CPM: variants seen among roughly 807,000 people sequenced by gnomAD.
The protein encoded by CPM is carboxypeptidase M.
CPM carries 35 observed loss-of-function variants against 46.4 expected under a neutral mutation model. The observed-to-expected ratio is 0.75, with a 90% CI of 0.58 to 1.00. The LOEUF (loss-of-function observed/expected upper bound fraction) is 1.00, where lower values mean the gene tolerates loss of function less well. Ranked by LOEUF, CPM falls within the 50% of genes least tolerant of loss-of-function variation. The pLI, the probability that CPM is intolerant of heterozygous loss-of-function variation, is 0.00. For synonymous variants in CPM, 195 were observed against 195.3 expected (o/e 1.00, Z 0.01); for missense variants, 422 against 530.4 (o/e 0.80, Z 2.01).
intron 6 of CPM, 51 bp from the exon 7 acceptor site, chr12:68,867,099 C>T (rs776227610): frequency 1.9e-6 from 3 of 1,578,058 alleles, no homozygotes; most frequent in Non-Finnish European, 2.6e-6. Flanking sequence ...TGGAGTGGAG[C>T]CAAGTATCAC....
At chr12:68,927,060 G>T (rs987034255) in intron 2 of CPM, among the ~76,000 whole-genome samples, 3 of 152,032 alleles carry the variant, frequency 2.0e-5, no homozygotes, top group African/African-American at 7.3e-5. Context: ...ATGATTTATA[G>T]TCCTTTGGGT....
At chr12:68,867,910 G>A (rs1297001854) in intron 6 of CPM, among the ~76,000 whole-genome samples, 1 of 152,208 alleles carries the variant, frequency 6.6e-6, no homozygotes, top group African/African-American at 2.4e-5. Context: ...TGCCAAGCGT[G>A]GAGGGGGCAG....
At chr12:68,928,565 G>A (rs1000442678) in intron 2 of CPM, among the ~76,000 whole-genome samples, 9 of 152,244 alleles carry the variant, frequency 5.9e-5, no homozygotes, top group East Asian at 1.9e-4. Context: ...TGCTGAGATC[G>A]AAATAATGTC....
intron 2 of CPM, chr12:68,913,982 A>C: frequency 1.4e-6 from 1 of 720,418 alleles, no homozygotes. Flanking sequence ...GCAGCTACAC[A>C]GATATTATTA....
chr12:68,939,067 T>TA (rs1231474506), intron 1 of CPM, among the ~76,000 whole-genome samples: 2 of 146,858 alleles, frequency 1.4e-5, no homozygotes, highest in African/African-American at 4.9e-5. Context: ...TATATGTACA[T>TA]ACATCTATAT....
At chr12:68,871,684 C>G in intron 4 of CPM, 100 bp downstream of exon 4, 1 of 1,289,984 alleles carries the variant, frequency 7.8e-7, no homozygotes, top group Non-Finnish European at 1.1e-6. Context: ...TCTGAGGGCT[C>G]TCACCATGAC....
chr12:68,931,830 CG>C (rs895912633), intron 2 of CPM, among the ~76,000 whole-genome samples: 3 of 151,388 alleles, frequency 2.0e-5, no homozygotes, highest in African/African-American at 7.3e-5. Flanking sequence ...TTGCCTTGGC[CG>C]GATGGGTGCC....
chr12:68,930,109 T>C (rs1234866164), intron 2 of CPM, among the ~76,000 whole-genome samples: 1 of 152,144 alleles, frequency 6.6e-6, no homozygotes, highest in Non-Finnish European at 1.5e-5. Flanking sequence ...AGATAGAGTT[T>C]CACTCTTGTC....
At chr12:68,916,046 TAGAAAATGAGACC>T (rs1364594387) in intron 2 of CPM, among the ~76,000 whole-genome samples, 2 of 152,246 alleles carry the variant, frequency 1.3e-5, no homozygotes, top group African/African-American at 4.8e-5. Context: ...ATGGCTTGTC[TAGAAAATGAGACC>T]AGGTTACGTT....
At position 68,903,797 on chromosome 12, in the gene CPM, CCT is replaced by C. The variant is rs140151241; in HGVS notation, c.161-17910_161-17909del. On this transcript the variant is annotated intron_variant, in intron 2 of 8. Transcript: ENST00000551568. ...TAAATATACAAGTCAGGCCTCCCTC[CCT>C]CTGTCTCTCCTTCCCTCTGTCCGTC... Among the ~76,000 whole-genome samples, 640 of 152,260 alleles carry C rather than the reference CCT, an allele frequency of 4.2e-3. 3 individuals are homozygous for C. Among genetic ancestry groups the C allele is most frequent in the African/African-American group, 0.015 (610 of 41,542 alleles).
chr12:68,959,221 A>T (rs1011054297), intron 1 of CPM, among the ~76,000 whole-genome samples: 1 of 152,208 alleles, frequency 6.6e-6, no homozygotes, highest in Non-Finnish European at 1.5e-5. Flanking sequence ...CCTGGCACAG[A>T]GTAAGTCTTC....
At chr12:68,869,024 C>T (rs550077253) in intron 6 of CPM, among the ~76,000 whole-genome samples, 1 of 152,292 alleles carries the variant, frequency 6.6e-6, no homozygotes, top group South Asian at 2.1e-4. Flanking sequence ...GTGTCTGTCT[C>T]CCCTATTCAA....
chr12:68,933,251 G>C (rs1406806622), upstream of CPM: 2 of 151,670 alleles, frequency 1.3e-5, no homozygotes, highest in African/African-American at 4.8e-5. Context: ...ACGTCCCTCC[G>C]GCCCACTCCG....
Position 68,897,449 on chromosome 12 carries a change from C to T in CPM, c.161-11560G>A, listed in dbSNP as rs545174220. On this transcript the variant is annotated intron_variant, in intron 2 of 8. Transcript: ENST00000551568. ...AAGGACAATTCAGCTGTACTAAGAG[C>T]GAGATCGAGCATTACCTTAAAGTAC... is the stretch of plus-strand genomic sequence containing the variant. Among the ~76,000 whole-genome samples the T allele has an allele frequency of 4.6e-5, 7 of 152,140 alleles. No individual in the cohort carries two copies. In the East Asian group the frequency reaches 7.7e-4, roughly 17 times the overall value.
At chr12:68,871,455 G>A (rs1424752808) in intron 4 of CPM, among the ~76,000 whole-genome samples, 1 of 152,158 alleles carries the variant, frequency 6.6e-6, no homozygotes, top group South Asian at 2.1e-4. Context: ...TTTAGGCAGG[G>A]AAACGGTGTG....
chr12:68,843,274 C>T, intron 5 of CPM: 1 of 227,446 alleles, frequency 4.4e-6, no homozygotes, highest in Non-Finnish European at 8.7e-6. Flanking sequence ...GGTAAAAGTA[C>T]TAATCCCTTT....
chr12:68,932,553 G>A (rs1302968172), intron 2 of CPM, 125 bp downstream of exon 2: 3 of 1,114,678 alleles, frequency 2.7e-6, no homozygotes, highest in Non-Finnish European at 3.9e-6. Context: ...CACGGTACCG[G>A]TTGACTTGTT....
chr12:68,928,428 C>T (rs914477050), intron 2 of CPM, among the ~76,000 whole-genome samples: 5 of 152,166 alleles, frequency 3.3e-5, no homozygotes, highest in African/African-American at 9.7e-5. Flanking sequence ...TAGAGAGGTG[C>T]TTGGGAAATA....
intron 2 of CPM, among the ~76,000 whole-genome samples, chr12:68,905,957 G>A (rs938332078): frequency 6.6e-6 from 1 of 152,138 alleles, no homozygotes; most frequent in African/African-American, 2.4e-5. Flanking sequence ...TTTATGAGGG[G>A]TTATCTGTGC....
Sources: gnomAD v4.1 joint callset for allele counts (sites outside exome capture counted in the v4.1 genomes callset) on GRCh38, gnomAD v4.1.1 for gene constraint, MANE v1.5 for transcripts, NCBI Gene and HGNC (gene_info 2026-07-23, HGNC 2026-07-21) for gene names.